The following CDH13 variants were observed in gnomAD, a reference collection of about 807,000 sequenced individuals.
CDH13 encodes the protein cadherin 13, also known as cadherin-13.
In CDH13, 24 loss-of-function variants were observed where a neutral mutation model predicts 63.8. The observed-to-expected ratio is 0.38, with a 90% confidence interval of 0.27 to 0.53. The LOEUF (loss-of-function observed/expected upper bound fraction) is 0.53, where lower values mean the gene tolerates loss of function less well. Ranked by LOEUF, CDH13 falls within the 20% of genes least tolerant of loss-of-function variation. The pLI is 0.85. For missense variants in CDH13, 1,049 were observed against 903.1 expected, an observed-to-expected ratio of 1.16 and a Z score of -2.07; for synonymous variants, 503 against 355.3, an observed-to-expected ratio of 1.42 and a Z score of -4.67.
intron 6 of CDH13, among the ~76,000 whole-genome samples, chr16:83,467,556 C>T (rs753036824): frequency 5.9e-5 from 9 of 152,178 alleles, no homozygotes; most frequent in Admixed American, 1.3e-4. Flanking sequence ...AACTGGCAAC[C>T]GCTTCGTGCA....
chr16:82,988,149 C>G (rs898674454), intron 2 of CDH13, among the ~76,000 whole-genome samples: 3 of 152,050 alleles, frequency 2.0e-5, no homozygotes, highest in Non-Finnish European at 4.4e-5. Flanking sequence ...AACCCAGGGT[C>G]GTGTGTGTAC....
intron 11 of CDH13, among the ~76,000 whole-genome samples, chr16:83,766,183 C>T (rs187839155): frequency 7.3e-4 from 111 of 152,234 alleles, no homozygotes; most frequent in African/African-American, 2.6e-3. Context: ...GACCTCTGCC[C>T]CACCACACAC....
At chr16:83,591,504 G>A (rs570842078) in intron 7 of CDH13, among the ~76,000 whole-genome samples, 1 of 152,192 alleles carries the variant, frequency 6.6e-6, no homozygotes, top group African/African-American at 2.4e-5. Flanking sequence ...GGACGAGAAG[G>A]CCTCGAAGGT....
chr16:83,526,657 C>T (rs1221458215), intron 7 of CDH13, among the ~76,000 whole-genome samples: 3 of 152,292 alleles, frequency 2.0e-5, no homozygotes, highest in South Asian at 2.1e-4. Flanking sequence ...CGGGGGCTGG[C>T]GGCTCCTGGC....
At chr16:83,574,785 A>G (rs1037492040) in intron 7 of CDH13, among the ~76,000 whole-genome samples, 3 of 152,194 alleles carry the variant, frequency 2.0e-5, no homozygotes, top group Admixed American at 1.3e-4. Context: ...AGAATTTCAC[A>G]TACAACTTCT....
chr16:83,515,757 A>G (rs1050670526), intron 7 of CDH13, among the ~76,000 whole-genome samples: 5 of 152,240 alleles, frequency 3.3e-5, no homozygotes, highest in African/African-American at 1.2e-4. Flanking sequence ...ATTCATGAAG[A>G]AATTTTTAAA....
chr16:82,676,891 G>GTTTTGTTTTGTTTTC (rs1555532428), intron 1 of CDH13, among the ~76,000 whole-genome samples: 1 of 150,456 alleles, frequency 6.6e-6, no homozygotes, highest in Non-Finnish European at 1.5e-5. Context: ...GTTTTGTTTT[G>GTTTTGTTTTGTTTTC]TTTTGTTTTT....
chr16:82,846,828 C>T (rs2039278458), intron 1 of CDH13, among the ~76,000 whole-genome samples: 1 of 152,038 alleles, frequency 6.6e-6, no homozygotes, highest in South Asian at 2.1e-4. Flanking sequence ...CCTGATGATG[C>T]TGTCATAATG....
intron 3 of CDH13, among the ~76,000 whole-genome samples, chr16:83,083,630 T>A (rs1195114595): frequency 6.6e-6 from 1 of 152,210 alleles, no homozygotes; most frequent in Non-Finnish European, 1.5e-5. Flanking sequence ...ATATGGAATT[T>A]GTATTGGAAA....
intron 7 of CDH13, among the ~76,000 whole-genome samples, chr16:83,588,516 G>A (rs1257262904): frequency 6.6e-6 from 1 of 152,148 alleles, no homozygotes; most frequent in Non-Finnish European, 1.5e-5. Context: ...GCAGTGTCTT[G>A]GGACCTCAGT....
chr16:83,589,944 G>C (rs1045662082), intron 7 of CDH13, among the ~76,000 whole-genome samples: 2 of 152,106 alleles, frequency 1.3e-5, no homozygotes, highest in Admixed American at 1.3e-4. Context: ...CTTAGGAGGT[G>C]GGGGCGGGAA....
intron 5 of CDH13, among the ~76,000 whole-genome samples, chr16:83,237,563 G>GT (rs554737425): frequency 1.3e-5 from 2 of 152,314 alleles, no homozygotes; most frequent in Admixed American, 1.3e-4. Context: ...CTTAATTACT[G>GT]TTTTTTAAAT....
At position 83,001,695 on chromosome 16, in the gene CDH13, C is replaced by G. The variant is rs78410854; in HGVS notation, c.158-30315C>G. 1.3e-3 allele frequency among the ~76,000 whole-genome samples: 196 copies of G among 152,270 alleles called. 8 individuals are homozygous for G. In the East Asian group the frequency reaches 0.034, roughly 26 times the overall value. On this transcript the variant is annotated intron_variant, in intron 2 of 13. Coordinates refer to ENST00000567109, the MANE Select transcript of CDH13 (RefSeq NM_001257.5). ...CTTGTCAGAAGGGGTTCTGTGTGAC[C>G]ATTTACACCTACGGATGATTGGCTG... is the stretch of plus-strand genomic sequence containing the variant.
intron 1 of CDH13, among the ~76,000 whole-genome samples, chr16:82,763,213 A>T (rs1175073811): frequency 3.3e-5 from 5 of 152,084 alleles, no homozygotes; most frequent in African/African-American, 1.2e-4. Context: ...TTACTTAAAC[A>T]TCCTCTTTTT....
In CDH13 at chr16:82,796,839, G is replaced by A. The variant is rs376800795; in HGVS notation, c.46-61523G>A. 3.9e-5 allele frequency among the ~76,000 whole-genome samples: 6 copies of A among 152,340 alleles called. No homozygotes were observed. In the South Asian group the frequency reaches 6.2e-4, roughly 16 times the overall value. ...AGAGCTTGGAGCAGCAGCTCTTTAC[G>A]TAGGGCCACAGTGTATTTCAGTGTT... On this transcript the variant is annotated intron_variant, in intron 1 of 13. Transcript: ENST00000567109.
At chr16:83,010,158 A>AAAAAAAAAAAC (rs1555561348) in intron 2 of CDH13, among the ~76,000 whole-genome samples, 5 of 136,798 alleles carry the variant, frequency 3.7e-5, no homozygotes, top group African/African-American at 1.4e-4. Flanking sequence ...AAAAAAAAAA[A>AAAAAAAAAAAC]AAAACAAGAA....
intron 7 of CDH13, among the ~76,000 whole-genome samples, chr16:83,586,518 G>C (rs1266542709): frequency 1.3e-5 from 2 of 152,224 alleles, no homozygotes; most frequent in Non-Finnish European, 2.9e-5. Context: ...GAGCCGAGAA[G>C]GGCAAGACCA....
intron 6 of CDH13, among the ~76,000 whole-genome samples, chr16:83,483,480 T>C (rs1191754857): frequency 1.4e-5 from 2 of 139,026 alleles, no homozygotes; most frequent in East Asian, 4.2e-4. Flanking sequence ...TTTTTTTTTT[T>C]CTTCCTCTAA....
chr16:82,695,346 G>A (rs2030144209), intron 1 of CDH13, among the ~76,000 whole-genome samples: 1 of 152,164 alleles, frequency 6.6e-6, no homozygotes, highest in African/African-American at 2.4e-5. Context: ...TTCTAATTCT[G>A]GATCTCTTAC....
Sources: allele counts gnomAD v4.1 joint callset (sites outside exome capture counted in the v4.1 genomes callset), GRCh38; gene constraint gnomAD v4.1.1; transcripts MANE v1.5; gene names NCBI Gene and HGNC (gene_info 2026-07-23, HGNC 2026-07-21).